SLC12A9: variants seen among roughly 807,000 people sequenced by gnomAD.
SLC12A9 encodes the protein CCC-interacting protein 1.
A neutral mutation model predicts 66.0 loss-of-function variants in SLC12A9; 55 were observed. The observed-to-expected ratio is 0.83, with a 90% CI of 0.67 to 1.04. The LOEUF (loss-of-function observed/expected upper bound fraction) is 1.04. Ranked by LOEUF, SLC12A9 falls within the 50% of genes least tolerant of loss-of-function variation. The probability of loss-of-function intolerance (pLI) is 0.00; values close to 1 mark genes in which losing one functional copy is unlikely to be tolerated. For synonymous variants in SLC12A9, 577 were observed against 569.0 expected (o/e 1.01, Z -0.20); for missense variants, 1,061 against 1,241.9 (o/e 0.85, Z 2.19).
Position 100,866,043 on chromosome 7 carries a change from C to T in SLC12A9, c.2183C>T (p.Pro728Leu). The T allele has an allele frequency of 6.2e-7, 1 of 1,612,854 alleles. No individual in the cohort carries two copies. The highest frequency in any genetic ancestry group is 8.5e-7 in the Non-Finnish European group (1 of 1,179,862). ...CAGCTGCACCATGTGGACGTGTGGCCCCTCAACCTGCTGCGGCCCCGGGGT... is the reference window on the plus strand; with the variant it reads ...CAGCTGCACCATGTGGACGTGTGGCTCCTCAACCTGCTGCGGCCCCGGGGT... ...TSQLHHVDVW[P>L]LNLLRPRGGP... Residue 728 changes from proline (P) to leucine (L), a missense_variant, in exon 14 of 14, where the codon CCC becomes CTC. Transcript: ENST00000354161. The surrounding 1 kb of genome is among the most constrained non-coding windows in gnomAD (Gnocchi z 7.3).
chr7:100,860,058 CCTTGCTGG>C lies in SLC12A9; in HGVS notation c.1135+21_1135+28del. 6.2e-7 allele frequency: 1 copy of C among 1,614,180 alleles called. No homozygotes were observed. Among genetic ancestry groups the C allele is most frequent in the Non-Finnish European group, 8.5e-7 (1 of 1,180,032 alleles). On this transcript the variant is annotated intron_variant, in intron 8 of 13. Coordinates refer to ENST00000354161, the MANE Select transcript of SLC12A9 (RefSeq NM_020246.4). ...GACCTCTTTGGTGGGTTCTCTGCCT[CCTTGCTGG>C]CTTGGAGCACGCCCTCCCTTGTCTG...
intron 1 of SLC12A9, chr7:100,837,651 G>C (rs1813689186): frequency 6.6e-6 from 1 of 152,172 alleles, no homozygotes; most frequent in African/African-American, 2.4e-5. Flanking sequence ...CTCCTGTTTC[G>C]TGGAGCTTAA....
In SLC12A9 at chr7:100,858,880, C is replaced by T. The variant is rs868798230; in HGVS notation, c.803C>T (p.Ala268Val). ...ACCACGGGAGCCGTGATGAATTTTG[C>T]CAGCGTCTTTGCTGTCCTCTTTAAC... is the stretch of plus-strand genomic sequence containing the variant. Reference protein sequence around the residue: ...DYTTGAVMNFASVFAVLFNGC... With the variant: ...DYTTGAVMNFVSVFAVLFNGC... The change falls in exon 6 of 14, where the codon GCC becomes GTC. Residue 268 changes from alanine (A) to valine (V), a missense_variant. Physicochemically the swap from Ala to Val is moderately conservative, Grantham distance 64. Transcript: ENST00000354161. The T allele has an allele frequency of 1.7e-5, 27 of 1,614,084 alleles. No homozygotes were observed. The highest frequency in any genetic ancestry group is 2.1e-5 in the Non-Finnish European group (25 of 1,180,038).
rs773241591 is a variant in SLC12A9, at chr7:100,859,090, G to A, written c.906G>A (p.Thr302=). The A allele has an allele frequency of 6.2e-6, 10 of 1,613,962 alleles. No homozygotes were observed. Among genetic ancestry groups the A allele is most frequent in the South Asian group, 1.1e-5 (1 of 91,080 alleles). Residue 302 remains threonine (T), a synonymous_variant, in exon 7 of 14, where the codon ACG becomes ACA. Coordinates refer to ENST00000354161, the MANE Select transcript of SLC12A9 (RefSeq NM_020246.4). ...KDPSRAIPLG[T]IVAVAYTFFV... ...CCAGCCGGGCGATCCCTCTGGGCAC[G>A]ATCGTCGCCGTCGCCTACACCTTCT...
At chr7:100,846,339 G>C (rs1406907789) in intron 1 of SLC12A9, among the ~76,000 whole-genome samples, 1 of 152,184 alleles carries the variant, frequency 6.6e-6, no homozygotes, top group Non-Finnish European at 1.5e-5. Flanking sequence ...GGCCGAGGCG[G>C]GTGGATCACG....
At chr7:100,858,706 C>T (rs556619866) in intron 5 of SLC12A9, 129 bp from the exon 6 acceptor site, 138 of 800,914 alleles carry the variant, frequency 1.7e-4, no homozygotes, top group Non-Finnish European at 2.5e-4. Flanking sequence ...CAGGAACAGG[C>T]TGGGGTCTTA....
chr7:100,833,000 T>A (rs1328167443), intron 1 of SLC12A9, among the ~76,000 whole-genome samples: 1 of 152,142 alleles, frequency 6.6e-6, no homozygotes, highest in Non-Finnish European at 1.5e-5. Flanking sequence ...GGTCTTGAAC[T>A]CTTGAGCTCA....
In SLC12A9 at chr7:100,855,707, C is replaced by A; in HGVS notation, c.318C>A (p.Phe106Leu). The change falls in exon 4 of 14, where the codon TTC becomes TTA. Residue 106 changes from phenylalanine (F) to leucine (L), a missense_variant and splice_region_variant. Physicochemically the swap from Phe to Leu is conservative, Grantham distance 22. Transcript: ENST00000354161. ...NGAVQGGGAY[F>L]MISRTLGPEV... is the part of the protein sequence containing the mutation. ...GCTCACCCCTGCTTCCACTTTCAGT[C>A]ATGATCAGCCGCACACTGGGGCCCG... The A allele has an allele frequency of 6.2e-7, 1 of 1,614,094 alleles. No individual in the cohort carries two copies. Among genetic ancestry groups the A allele is most frequent in the South Asian group, 1.1e-5 (1 of 91,052 alleles).
intron 1 of SLC12A9, among the ~76,000 whole-genome samples, chr7:100,843,794 T>G (rs1041801879): frequency 5.3e-5 from 8 of 152,222 alleles, no homozygotes; most frequent in African/African-American, 1.9e-4. Flanking sequence ...AATCCCCACA[T>G]AACCATTGAA....
intron 1 of SLC12A9, among the ~76,000 whole-genome samples, chr7:100,834,903 C>T (rs1351996837): frequency 3.9e-5 from 6 of 152,096 alleles, no homozygotes; most frequent in Non-Finnish European, 8.8e-5. Context: ...CAGTGGCTCA[C>T]GCCTGTAATC....
chr7:100,838,208 C>T (rs1813708309), intron 1 of SLC12A9, among the ~76,000 whole-genome samples: 1 of 152,082 alleles, frequency 6.6e-6, no homozygotes, highest in Non-Finnish European at 1.5e-5. Context: ...GCTATGTTGC[C>T]CAGGCTGGTC....
chr7:100,834,413 A>T (rs974243689), intron 1 of SLC12A9, among the ~76,000 whole-genome samples: 2 of 152,186 alleles, frequency 1.3e-5, no homozygotes, highest in African/African-American at 2.4e-5. Flanking sequence ...TGGTTTGTAG[A>T]GAAAGATCCC....
chr7:100,832,070 T>G (rs1813554311), intron 1 of SLC12A9, among the ~76,000 whole-genome samples: 1 of 152,110 alleles, frequency 6.6e-6, no homozygotes, highest in Non-Finnish European at 1.5e-5. Context: ...TGATGAAACC[T>G]TAAAAACTTA....
chr7:100,845,297 G>C (rs562292228), intron 1 of SLC12A9, among the ~76,000 whole-genome samples: 22 of 150,194 alleles, frequency 1.5e-4, no homozygotes, highest in African/African-American at 5.4e-4. Flanking sequence ...GCCTACGCTA[G>C]GCTGCCTGAC....
In SLC12A9 at chr7:100,859,950, T is replaced by C; in HGVS notation, c.1043T>C (p.Ile348Thr). The C allele has an allele frequency of 6.2e-7, 1 of 1,612,650 alleles. No homozygotes were observed. The highest frequency in any genetic ancestry group is 8.5e-7 in the Non-Finnish European group (1 of 1,178,730). The change falls in exon 8 of 14, where the codon ATC becomes ACC. Residue 348 changes from isoleucine (I) to threonine (T), a missense_variant. By Grantham distance (89) the Ile-to-Thr change is moderately conservative. Coordinates refer to ENST00000354161, the MANE Select transcript of SLC12A9 (RefSeq NM_020246.4). ...AISLWPPLVL[I>T]GIYATALSAS... ...AGCCTGTGGCCCCCACTGGTGTTGA[T>C]CGGAATCTATGCCACAGCGCTCTCA...
At chr7:100,827,904 A>C (rs1379496874) in intron 1 of SLC12A9, among the ~76,000 whole-genome samples, 4 of 152,048 alleles carry the variant, frequency 2.6e-5, no homozygotes, top group Non-Finnish European at 5.9e-5. Flanking sequence ...GCGTGCACGT[A>C]AATGTTCACC....
rs574266029 is a variant in SLC12A9, at chr7:100,842,327, C to T, written n.228+15280C>T. Among the ~76,000 whole-genome samples, 4 of 152,290 alleles carry T rather than the reference C, an allele frequency of 2.6e-5. No individual in the cohort carries two copies. In the East Asian group the frequency reaches 5.8e-4, roughly 22 times the overall value. ...ATAACCAAGTCAATTTCTCCTCAAA[C>T]TATTGCATTTAATGATTGCTTTGTT... is the stretch of plus-strand genomic sequence containing the variant. On this transcript the variant is annotated intron_variant and non_coding_transcript_variant, in intron 1 of 1. Transcript: ENST00000461016.
intron 4 of SLC12A9, 34 bp from the exon 5 acceptor site, chr7:100,856,834 C>A: frequency 6.5e-7 from 1 of 1,532,308 alleles, no homozygotes; most frequent in South Asian, 1.2e-5. Flanking sequence ...GCCTTAGGAT[C>A]GGGCCTTCTA....
chr7:100,838,216 G>T (rs998168927), intron 1 of SLC12A9, among the ~76,000 whole-genome samples: 7 of 152,126 alleles, frequency 4.6e-5, no homozygotes, highest in Non-Finnish European at 7.4e-5. Flanking sequence ...GCCCAGGCTG[G>T]TCTCACACTC....
Sources: allele counts gnomAD v4.1 joint callset (sites outside exome capture counted in the v4.1 genomes callset), GRCh38; gene constraint gnomAD v4.1.1; non-coding constraint Gnocchi (gnomAD v3.1); transcripts MANE v1.5; gene names NCBI Gene and HGNC (gene_info 2026-07-23, HGNC 2026-07-21).